ARHGAP1: variants seen among roughly 807,000 people sequenced by gnomAD.
The protein encoded by ARHGAP1 is rho GTPase-activating protein 1.
Under a neutral mutation model 52.2 loss-of-function variants are expected in ARHGAP1, and 23 were observed. That is an observed-to-expected ratio of 0.44 (90% CI 0.32 to 0.62). ARHGAP1 has a LOEUF of 0.62. ARHGAP1 is among the 20% of genes least tolerant of loss of function. ARHGAP1 has a pLI of 0.05. For synonymous variants in ARHGAP1, 210 were observed against 228.4 expected (o/e 0.92, Z 0.73); for missense variants, 480 against 560.9 (o/e 0.86, Z 1.46).
At chr11:46,699,710 AAAAAG>A (rs1474464870) in intron 1 of ARHGAP1, among the ~76,000 whole-genome samples, 2 of 151,880 alleles carry the variant, frequency 1.3e-5, no homozygotes, top group East Asian at 1.9e-4. Context: ...CTAAAAAAAA[AAAAAG>A]AAAAGAAATC....
Position 46,678,648 on chromosome 11 carries a change from CAA to C in ARHGAP1, c.*387_*388del, listed in dbSNP as rs924284265. On this transcript the variant is annotated 3_prime_UTR_variant, in exon 13 of 13. Coordinates refer to ENST00000311956, the MANE Select transcript of ARHGAP1 (RefSeq NM_004308.5). ...AGCTCAGCTGCTCATTCCCAGCAATCAAGAGGGGAGGACTGGCCCCTGCTACC... is the reference window on the plus strand; with the variant it reads ...AGCTCAGCTGCTCATTCCCAGCAATCGAGGGGAGGACTGGCCCCTGCTACC... The C allele has an allele frequency of 7.5e-5, 16 of 214,184 alleles. No individual in the cohort carries two copies. The highest frequency in any genetic ancestry group is 6.3e-4 in the Admixed American group (12 of 18,998). The allele number at this position is 214,184 out of a possible 1,614,324, so 13.3% of individuals were successfully genotyped here.
intron 4 of ARHGAP1, among the ~76,000 whole-genome samples, chr11:46,683,398 A>G (rs1463341422): frequency 6.6e-6 from 1 of 152,068 alleles, no homozygotes; most frequent in Non-Finnish European, 1.5e-5. Context: ...CATGAACTCC[A>G]GTGCCGGCGG....
intron 4 of ARHGAP1, among the ~76,000 whole-genome samples, chr11:46,683,748 C>G (rs577966089): frequency 6.6e-6 from 1 of 151,956 alleles, no homozygotes; most frequent in South Asian, 2.1e-4. Context: ...TCAAGTGATT[C>G]TCCTGACTCA....
chr11:46,679,446 C>T lies in ARHGAP1; in HGVS notation c.1050G>A (p.Val350=). The T allele has an allele frequency of 3.1e-6, 5 of 1,614,210 alleles. No homozygotes were observed. Among genetic ancestry groups the T allele is most frequent in the Non-Finnish European group, 4.2e-6 (5 of 1,180,042 alleles). ...GFLNIDESQR[V]PATLQVLQTL... The stretch of plus-strand genomic sequence containing the variant: ...TCTGGAGGACCTGCAGTGTCGCTGG[C>T]ACCCTCTGGCTTTCATCAATGTCTA... The change falls in exon 12 of 13, where the codon GTG becomes GTA. Residue 350 remains valine (V), a synonymous_variant. Transcript: ENST00000311956. This position sits in a 1 kb window ranked among gnomAD's most constrained non-coding sequence, Gnocchi z 4.4.
chr11:46,697,528 GACAACCTCCTGC>G, intron 1 of ARHGAP1: 1 of 152,340 alleles, frequency 6.6e-6, no homozygotes, highest in African/African-American at 2.4e-5. Context: ...GAGGCCACTT[GACAACCTCCTGC>G]ACACATCACA....
Position 46,680,977 on chromosome 11 carries a change from C to T in ARHGAP1, c.635+34G>A, listed in dbSNP as rs768732074. 1 of 1,592,216 alleles carries T rather than the reference C, an allele frequency of 6.3e-7. No homozygotes were observed. Among genetic ancestry groups the T allele is most frequent in the Non-Finnish European group, 8.6e-7 (1 of 1,162,588 alleles). On this transcript the variant is annotated intron_variant, in intron 7 of 12. Transcript: ENST00000311956. The surrounding 1 kb of genome is among the most constrained non-coding windows in gnomAD (Gnocchi z 5.9). ...AGGACACACGTCCTCATTACCCTGG[C>T]TTCACGAGCCCCCAGCCGCCGCACC...
intron 1 of ARHGAP1, among the ~76,000 whole-genome samples, chr11:46,698,761 G>GC (rs1383668537): frequency 6.6e-6 from 1 of 151,860 alleles, no homozygotes; most frequent in Non-Finnish European, 1.5e-5. Flanking sequence ...CTCCCTCAAC[G>GC]CCCCCACATA....
rs1383668537 is a variant in ARHGAP1, at chr11:46,698,761, GC to G, written c.-50+1789del. On this transcript the variant is annotated intron_variant, in intron 1 of 12. Transcript: ENST00000311956. ...TCTTCCAGACATGACCTCCCTCAACGCCCCCACATAACCTCCTTTCCCAGCA... is the reference window on the plus strand; with the variant it reads ...TCTTCCAGACATGACCTCCCTCAACGCCCCACATAACCTCCTTTCCCAGCA... 2.0e-5 allele frequency among the ~76,000 whole-genome samples: 3 copies of G among 151,858 alleles called. No individual in the cohort carries two copies. The East Asian group carries it at 5.8e-4, about 29-fold the overall frequency.
In ARHGAP1 at chr11:46,678,501, C is replaced by G. The variant is rs1180062163; in HGVS notation, c.*536G>C. On this transcript the variant is annotated 3_prime_UTR_variant, in exon 13 of 13. Coordinates refer to ENST00000311956, the MANE Select transcript of ARHGAP1 (RefSeq NM_004308.5). ...AGGGGAAATACCCCAGACTGCGCTG[C>G]TGGGGGCAGTACAGGAGCAAGGGTG... 1.2e-5 allele frequency: 2 copies of G among 169,886 alleles called. No homozygotes were observed. Among genetic ancestry groups the G allele is most frequent in the African/African-American group, 4.8e-5 (2 of 41,650 alleles). 10.5% of individuals were successfully genotyped at this position (169,886 alleles called of 1,614,324 possible).
At position 46,680,280 on chromosome 11, in the gene ARHGAP1, G is replaced by A; in HGVS notation, c.823C>T (p.Leu275Phe). ...ETVAYLQAHA[L>F]TTEGIFRRSA... Reference sequence around the variant, plus strand: ...CTCCGGAAGATGCCCTCGGTGGTGAGAGCTGGGAAACAGTAGGGCCTGGTG... The same window carrying A: ...CTCCGGAAGATGCCCTCGGTGGTGAAAGCTGGGAAACAGTAGGGCCTGGTG... The change falls in exon 10 of 13, where the codon CTC becomes TTC. Residue 275 changes from leucine to phenylalanine, a missense_variant and splice_region_variant. By Grantham distance (22) the Leu-to-Phe change is conservative. Transcript: ENST00000311956. The surrounding 1 kb of genome is among the most constrained non-coding windows in gnomAD (Gnocchi z 5.9). The A allele has an allele frequency of 6.2e-7, 1 of 1,614,104 alleles. No individual in the cohort carries two copies. Among genetic ancestry groups the A allele is most frequent in the Non-Finnish European group, 8.5e-7 (1 of 1,180,018 alleles).
rs1467275823 is a variant in ARHGAP1 at position 46,696,341 on chromosome 11, C to T, written c.-49-185G>A. Among the ~76,000 whole-genome samples the T allele has an allele frequency of 1.3e-5, 2 of 152,164 alleles. No homozygotes were observed. The highest frequency in any genetic ancestry group is 2.9e-5 in the Non-Finnish European group (2 of 68,028). ...GGTTCTCCTGGCTCCGTGGCTCAGG[C>T]GTGTTGCCAGAAAAGGCAGCTGGGG... On this transcript the variant is annotated intron_variant, in intron 1 of 12. Transcript: ENST00000311956. This position sits in a 1 kb window ranked among gnomAD's most constrained non-coding sequence, Gnocchi z 4.8.
intron 4 of ARHGAP1, among the ~76,000 whole-genome samples, chr11:46,683,071 T>C (rs911228118): frequency 6.7e-6 from 1 of 149,488 alleles, no homozygotes; most frequent in Admixed American, 6.7e-5. Context: ...GACAGGGTCT[T>C]ACTGTCACCC....
rs1259294568 is a variant in ARHGAP1 at position 46,681,760 on chromosome 11, T to C, written c.449+291A>G. Among the ~76,000 whole-genome samples, 2 of 152,202 alleles carry C rather than the reference T, an allele frequency of 1.3e-5. No homozygotes were observed. The highest frequency in any genetic ancestry group is 2.9e-5 in the Non-Finnish European group (2 of 68,040). ...CAGTGCATATTTTCTGATTTGAACA[T>C]GCATGGCCAGCATGCGAGGTAAGGG... is the stretch of plus-strand genomic sequence containing the variant. On this transcript the variant is annotated intron_variant, in intron 5 of 12. Coordinates refer to ENST00000311956, the MANE Select transcript of ARHGAP1 (RefSeq NM_004308.5). The surrounding 1 kb of genome is among the most constrained non-coding windows in gnomAD (Gnocchi z 5.7).
chr11:46,694,538 AGG>A (rs1037749911), intron 3 of ARHGAP1, among the ~76,000 whole-genome samples: 63 of 152,202 alleles, frequency 4.1e-4, no homozygotes, highest in African/African-American at 1.4e-3. Flanking sequence ...GGAGGTGGGG[AGG>A]GGCAGGCTCC....
Position 46,679,217 on chromosome 11 carries a change from T to C in ARHGAP1, c.1140A>G (p.Ala380=). Residue 380 remains alanine (A), a synonymous_variant, in exon 13 of 13, where the codon GCA becomes GCG. Transcript: ENST00000311956. The surrounding 1 kb of genome is among the most constrained non-coding windows in gnomAD (Gnocchi z 4.4). The part of the protein sequence containing the change: ...FLTAFLVQIS[A]HSDQNKMTNT... ...TGGTCATCTTGTTCTGGTCACTGTG[T>C]GCAGAAATCTGTGGAGGGAATCAGG... The C allele has an allele frequency of 6.2e-7, 1 of 1,600,590 alleles. No individual in the cohort carries two copies. Among genetic ancestry groups the C allele is most frequent in the South Asian group, 1.1e-5 (1 of 89,244 alleles).
chr11:46,680,913 C>T lies in ARHGAP1; in HGVS notation c.635+98G>A, dbSNP rs1233577983. The T allele has an allele frequency of 2.7e-5, 33 of 1,212,668 alleles. No individual in the cohort carries two copies. The highest frequency in any genetic ancestry group is 3.3e-5 in the Non-Finnish European group (28 of 841,542). 75.1% of individuals were successfully genotyped at this position (1,212,668 alleles called of 1,614,324 possible). A position where few individuals can be genotyped will look rare whatever the true frequency, so the allele number is the denominator to read the frequency against. ...CAAAGACCTGGGAGAGGTCGGGACA[C>T]GGGCTTGCTCTGCCTAAGCCCCACG... On this transcript the variant is annotated intron_variant, in intron 7 of 12. Transcript: ENST00000311956. The surrounding 1 kb of genome is among the most constrained non-coding windows in gnomAD (Gnocchi z 5.9).
rs1271760628 is a variant in ARHGAP1, at chr11:46,682,090, A to G, written c.410T>C (p.Leu137Pro). ...CCGGTAGGCATCACGGAGCCAGCTG[A>G]GGGAGGGCTTGTTGTCGCTGGTCAG... is the stretch of plus-strand genomic sequence containing the variant. ...HGLTSDNKPS[L>P]SWLRDAYREF... The change falls in exon 5 of 13, where the codon CTC (leucine) becomes CCC (proline). Residue 137 changes from leucine to proline, a missense_variant. Physicochemically the swap from Leu to Pro is moderately conservative, Grantham distance 98. Coordinates refer to ENST00000311956, the MANE Select transcript of ARHGAP1 (RefSeq NM_004308.5). The G allele has an allele frequency of 6.2e-7, 1 of 1,614,130 alleles. No homozygotes were observed. The highest frequency in any genetic ancestry group is 2.2e-5 in the East Asian group (1 of 44,868).
In ARHGAP1 at chr11:46,681,452, C is replaced by CT. The variant is rs56710343; in HGVS notation, c.450-74dup. On this transcript the variant is annotated intron_variant, in intron 5 of 12. Transcript: ENST00000311956. The surrounding 1 kb of genome is among the most constrained non-coding windows in gnomAD (Gnocchi z 5.7). Reference sequence around the variant, plus strand: ...TGCCACGCTAGGGTCCCAGTGCATACTTTTTTTTTTTGAGACAGAGTCTCC... The same window carrying CT: ...TGCCACGCTAGGGTCCCAGTGCATACTTTTTTTTTTTTGAGACAGAGTCTCC... The CT allele has an allele frequency of 0.023, 20,088 of 869,908 alleles. No individual in the cohort carries two copies. Among genetic ancestry groups the CT allele is most frequent in the East Asian group, 0.027 (831 of 30,532 alleles). The allele number at this position is 869,908 out of a possible 1,614,324, so 53.9% of individuals were successfully genotyped here.
Position 46,680,557 on chromosome 11 carries a change from C to T in ARHGAP1, c.750G>A (p.Gln250=). 6.2e-7 allele frequency: 1 copy of T among 1,614,106 alleles called. No individual in the cohort carries two copies. Among genetic ancestry groups the T allele is most frequent in the Non-Finnish European group, 8.5e-7 (1 of 1,179,992 alleles). Residue 250 remains glutamine, a synonymous_variant, in exon 9 of 13, where the codon CAG becomes CAA. Transcript: ENST00000311956. This position sits in a 1 kb window ranked among gnomAD's most constrained non-coding sequence, Gnocchi z 5.9. ...QQFGVSLQHL[Q]EKNPEQEPIP... is the part of the protein sequence containing the mutation. ...TGGGCTCCTGCTCTGGATTCTTCTC[C>T]TGGAGGCTGCGGGAAAAAGGCTGGT...
Sources: allele counts gnomAD v4.1 joint callset (sites outside exome capture counted in the v4.1 genomes callset), GRCh38; gene constraint gnomAD v4.1.1; non-coding constraint Gnocchi (gnomAD v3.1); transcripts MANE v1.5; gene names NCBI Gene and HGNC (gene_info 2026-07-23, HGNC 2026-07-21).